Variants in TBC1D22A observed in about 807,000 individuals in gnomAD.
TBC1D22A encodes putative GTPase activator.
In TBC1D22A, 38 loss-of-function variants were observed where a neutral mutation model predicts 60.2. The ratio of observed to expected loss-of-function variants is 0.63; its 90% confidence interval spans 0.49 to 0.83. The LOEUF is 0.83. Among genes scored for constraint, TBC1D22A ranks in the 40% least tolerant of loss-of-function variants. The pLI is 0.00. For missense variants in TBC1D22A, 628 were observed against 701.0 expected (o/e 0.90, Z 1.18); for synonymous variants, 302 against 281.7 (o/e 1.07, Z -0.72).
At chr22:46,860,958 A>T (rs571002220) in intron 4 of TBC1D22A, among the ~76,000 whole-genome samples, 1 of 150,220 alleles carries the variant, frequency 6.7e-6, no homozygotes, top group Non-Finnish European at 1.5e-5. Flanking sequence ...TGGCGAAGGC[A>T]TATTTGAAAA....
At chr22:46,834,314 A>G (rs1170664863) in intron 4 of TBC1D22A, among the ~76,000 whole-genome samples, 3 of 152,180 alleles carry the variant, frequency 2.0e-5, no homozygotes, top group African/African-American at 4.8e-5. Context: ...ACAAATGCCC[A>G]CAGGTGAGAG....
At chr22:47,167,769 A>T (rs959853361) in intron 12 of TBC1D22A, among the ~76,000 whole-genome samples, 11 of 152,148 alleles carry the variant, frequency 7.2e-5, no homozygotes, top group Non-Finnish European at 1.3e-4. Context: ...ATTCGATTGG[A>T]TAAAGGGCAT....
chr22:46,982,942 A>C (rs2074572675), intron 9 of TBC1D22A, among the ~76,000 whole-genome samples: 1 of 152,188 alleles, frequency 6.6e-6, no homozygotes, highest in Non-Finnish European at 1.5e-5. Context: ...GGTTGCTGTC[A>C]CTGGGAGATG....
intron 11 of TBC1D22A, among the ~76,000 whole-genome samples, chr22:47,083,348 GAC>G (rs10549216): frequency 0.19 from 28,270 of 148,282 alleles, 2,885 homozygotes; most frequent in East Asian, 0.33. Context: ...ATACTTAGAA[GAC>G]ACACACACAC....
intron 11 of TBC1D22A, among the ~76,000 whole-genome samples, chr22:47,067,309 C>T (rs1351177790): frequency 6.6e-6 from 1 of 152,174 alleles, no homozygotes; most frequent in African/African-American, 2.4e-5. Flanking sequence ...TCTTCCAGGC[C>T]TTTAGAGGCA....
chr22:47,070,465 C>T (rs1331004155), intron 11 of TBC1D22A, among the ~76,000 whole-genome samples: 5 of 134,958 alleles, frequency 3.7e-5, no homozygotes, highest in African/African-American at 1.5e-4. Flanking sequence ...TTGGTTGGAG[C>T]GGAGCTGACC....
chr22:46,982,377 C>A (rs961083565), intron 9 of TBC1D22A, among the ~76,000 whole-genome samples: 1 of 152,134 alleles, frequency 6.6e-6, no homozygotes, highest in Non-Finnish European at 1.5e-5. Context: ...GCACCCGCCT[C>A]CACGCCCGGC....
chr22:46,837,802 GC>G (rs2086585769), intron 4 of TBC1D22A, among the ~76,000 whole-genome samples: 1 of 152,204 alleles, frequency 6.6e-6, no homozygotes, highest in South Asian at 2.1e-4. Flanking sequence ...AGTGGCTCAC[GC>G]CTGTAATCCC....
intron 1 of TBC1D22A, among the ~76,000 whole-genome samples, chr22:46,771,632 T>C (rs2083482486): frequency 6.6e-6 from 1 of 151,908 alleles, no homozygotes; most frequent in Non-Finnish European, 1.5e-5. Flanking sequence ...TCTTGCTCTG[T>C]TGCCCAGGCT....
chr22:46,880,059 C>T (rs1189105136), intron 5 of TBC1D22A, among the ~76,000 whole-genome samples: 1 of 152,170 alleles, frequency 6.6e-6, no homozygotes, highest in Non-Finnish European at 1.5e-5. Context: ...AGTGTGAACC[C>T]AGGAGATCTG....
intron 4 of TBC1D22A, among the ~76,000 whole-genome samples, chr22:46,860,691 T>G (rs2087825642): frequency 6.6e-6 from 1 of 152,242 alleles, no homozygotes; most frequent in Non-Finnish European, 1.5e-5. Flanking sequence ...CTGTGCCCCT[T>G]CCTGGCTCTG....
At chr22:47,091,676 A>G (rs1018999892) in intron 11 of TBC1D22A, among the ~76,000 whole-genome samples, 1 of 152,094 alleles carries the variant, frequency 6.6e-6, no homozygotes. Context: ...AGCCTTCACA[A>G]AGCAGTGCTC....
intron 12 of TBC1D22A, chr22:47,116,236 C>T (rs1212460661): frequency 6.6e-6 from 1 of 152,282 alleles, no homozygotes; most frequent in Non-Finnish European, 1.5e-5. Flanking sequence ...GCTCCACCAC[C>T]TGCCAGGAGC....
chr22:47,173,757 A>C lies in TBC1D22A; in HGVS notation c.*131A>C. ...GTGAGGTGGCCCCACCCTCCAGGGG[A>C]GCTGGTGAAGATGGGCCACAGACCT... On this transcript the variant is annotated 3_prime_UTR_variant, in exon 13 of 13. Coordinates refer to ENST00000337137, the MANE Select transcript of TBC1D22A (RefSeq NM_014346.5). 7.1e-7 allele frequency: 1 copy of C among 1,404,420 alleles called. No homozygotes were observed. 87.0% of individuals were successfully genotyped at this position (1,404,420 alleles called of 1,614,324 possible).
At chr22:46,869,026 C>T (rs1464075281) in intron 4 of TBC1D22A, among the ~76,000 whole-genome samples, 1 of 152,198 alleles carries the variant, frequency 6.6e-6, no homozygotes, top group Non-Finnish European at 1.5e-5. Flanking sequence ...TTGGCGTCCC[C>T]TTGTCAGGCT....
intron 9 of TBC1D22A, among the ~76,000 whole-genome samples, chr22:46,993,575 G>A (rs372168582): frequency 6.6e-6 from 1 of 152,206 alleles, no homozygotes; most frequent in East Asian, 1.9e-4. Context: ...TGGGTGCCAG[G>A]TGTGGGAGGC....
chr22:46,812,140 G>C (rs2147040036), intron 4 of TBC1D22A, among the ~76,000 whole-genome samples: 1 of 152,260 alleles, frequency 6.6e-6, no homozygotes, highest in Admixed American at 6.5e-5. Context: ...TGATTATCCT[G>C]CTGTAGGGCT....
intron 1 of TBC1D22A, among the ~76,000 whole-genome samples, chr22:46,771,101 C>T (rs751079086): frequency 6.6e-6 from 1 of 152,164 alleles, no homozygotes; most frequent in African/African-American, 2.4e-5. Flanking sequence ...TTTCCTTTCT[C>T]TTACATATTC....
At chr22:46,837,085 C>T (rs2086557094) in intron 4 of TBC1D22A, among the ~76,000 whole-genome samples, 1 of 151,966 alleles carries the variant, frequency 6.6e-6, no homozygotes, top group African/African-American at 2.4e-5. Context: ...TGATCACACC[C>T]CTGGGTTCCA....
Sources: allele counts gnomAD v4.1 joint callset (sites outside exome capture counted in the v4.1 genomes callset), GRCh38; gene constraint gnomAD v4.1.1; transcripts MANE v1.5; gene names NCBI Gene and HGNC (gene_info 2026-07-23, HGNC 2026-07-21).